JARID2: variants seen among roughly 807,000 people sequenced by gnomAD.
The protein encoded by JARID2 is protein Jumonji.
Under a neutral mutation model 125.6 loss-of-function variants are expected in JARID2, and 21 were observed. The ratio of observed to expected loss-of-function variants is 0.17; its 90% CI spans 0.12 to 0.24. JARID2 has a LOEUF of 0.24. Ranked by LOEUF, JARID2 falls within the 10% of genes least tolerant of loss-of-function variation. The probability of loss-of-function intolerance (pLI) is 1.00; values close to 1 mark genes in which losing one functional copy is unlikely to be tolerated. For synonymous variants in JARID2, 736 were observed against 661.6 expected (o/e 1.11, Z -1.73); for missense variants, 1,303 against 1,639.6 (o/e 0.79, Z 3.55).
chr6:15,374,614 A>G (rs1223438166), intron 2 of JARID2, among the ~76,000 whole-genome samples: 8 of 152,294 alleles, frequency 5.3e-5, no homozygotes, highest in Middle Eastern at 3.4e-3. Flanking sequence ...AATAGCCTAA[A>G]TCTTTCTGTC....
chr6:15,391,499 C>T (rs761866876), intron 2 of JARID2, among the ~76,000 whole-genome samples: 14 of 152,024 alleles, frequency 9.2e-5, no homozygotes, highest in Non-Finnish European at 1.6e-4. Flanking sequence ...GGAGAGCATC[C>T]GATGGGAACA....
chr6:15,437,807 A>G (rs1423947466), intron 3 of JARID2, among the ~76,000 whole-genome samples: 1 of 152,104 alleles, frequency 6.6e-6, no homozygotes, highest in African/African-American at 2.4e-5. Flanking sequence ...TGTCTCAAAA[A>G]AAAAAAGAAA....
At chr6:15,369,263 G>A (rs761216803) in intron 1 of JARID2, 1 of 424,780 alleles carries the variant, frequency 2.4e-6, no homozygotes, top group South Asian at 1.7e-5. Context: ...CAGACCACCT[G>A]TACCTTAACC....
intron 1 of JARID2, among the ~76,000 whole-genome samples, chr6:15,333,003 C>A (rs1184112115): frequency 7.6e-6 from 1 of 130,796 alleles, no homozygotes; most frequent in Admixed American, 9.6e-5. Context: ...CCCATCTCTG[C>A]TAACTGCAGG....
intron 2 of JARID2, 36 bp downstream of exon 2, chr6:15,374,288 C>T: frequency 6.2e-7 from 1 of 1,606,500 alleles, no homozygotes; most frequent in Non-Finnish European, 8.5e-7. Flanking sequence ...TTGGAATGTA[C>T]AATATCTCTG....
intron 2 of JARID2, among the ~76,000 whole-genome samples, chr6:15,409,281 C>T (rs1016090045): frequency 2.6e-5 from 4 of 152,148 alleles, no homozygotes; most frequent in African/African-American, 4.8e-5. Flanking sequence ...GGGGCCACTC[C>T]GTATTTTTGG....
At chr6:15,468,876 C>G (rs1312801707) in intron 5 of JARID2, among the ~76,000 whole-genome samples, 158 bp downstream of exon 5, 1 of 152,144 alleles carries the variant, frequency 6.6e-6, no homozygotes, top group Non-Finnish European at 1.5e-5. Flanking sequence ...ATTAGTGTAG[C>G]TTAGTGTAGT....
At chr6:15,410,169 G>C (rs1165643276) in intron 2 of JARID2, 55 bp from the exon 3 acceptor site, 2 of 1,546,282 alleles carry the variant, frequency 1.3e-6, no homozygotes, top group Non-Finnish European at 1.8e-6. Context: ...CTGTGGTAAA[G>C]TGCTGCCTCC....
At chr6:15,421,176 G>T (rs897129941) in intron 3 of JARID2, among the ~76,000 whole-genome samples, 1 of 152,090 alleles carries the variant, frequency 6.6e-6, no homozygotes, top group Non-Finnish European at 1.5e-5. Flanking sequence ...GAGCTGGAGG[G>T]ATCATTTGTT....
chr6:15,343,994 C>G (rs762541807), intron 1 of JARID2, among the ~76,000 whole-genome samples: 12 of 151,964 alleles, frequency 7.9e-5, no homozygotes, highest in Non-Finnish European at 1.2e-4. Context: ...GGACCCGGAC[C>G]TGAGAGTTAG....
intron 2 of JARID2, among the ~76,000 whole-genome samples, chr6:15,400,490 T>C (rs1765382685): frequency 6.6e-6 from 1 of 151,482 alleles, no homozygotes; most frequent in Non-Finnish European, 1.5e-5. Flanking sequence ...TGGGGTGTGC[T>C]TGGCAATGGG....
chr6:15,457,352 A>G (rs1438772543), intron 4 of JARID2, among the ~76,000 whole-genome samples: 3 of 152,202 alleles, frequency 2.0e-5, no homozygotes, highest in African/African-American at 7.2e-5. Flanking sequence ...TTACACCTGC[A>G]TCCTAATTCT....
Position 15,503,241 on chromosome 6 carries a change from C to A in JARID2, c.2449-1259C>A, listed in dbSNP as rs189632442. On this transcript the variant is annotated intron_variant, in intron 8 of 17. Coordinates refer to ENST00000341776, the MANE Select transcript of JARID2 (RefSeq NM_004973.4). ...CTTTGGTCTGCTGGTGTCATCCTCA[C>A]CTCCACTCATTGCACTCTGCCTTGG... is the stretch of plus-strand genomic sequence containing the variant. Among the ~76,000 whole-genome samples, 93 of 152,336 alleles carry A rather than the reference C, an allele frequency of 6.1e-4. 1 individual carries two copies. Among genetic ancestry groups the A allele is most frequent in the African/African-American group, 3.1e-4 (13 of 41,592 alleles).
intron 1 of JARID2, among the ~76,000 whole-genome samples, chr6:15,292,417 C>CT (rs1761262226): frequency 6.6e-6 from 1 of 152,052 alleles, no homozygotes; most frequent in Admixed American, 6.6e-5. Context: ...CTGCAGTTTT[C>CT]TTTAACTATT....
chr6:15,422,979 C>T (rs532848179), intron 3 of JARID2, among the ~76,000 whole-genome samples: 2 of 147,540 alleles, frequency 1.4e-5, no homozygotes, highest in Admixed American at 7.0e-5. Context: ...ACAGGTGTAG[C>T]CTAGTCTTTT....
intron 1 of JARID2, among the ~76,000 whole-genome samples, chr6:15,285,385 A>G (rs1268039315): frequency 6.6e-6 from 1 of 151,938 alleles, no homozygotes; most frequent in African/African-American, 2.4e-5. Flanking sequence ...TCGGCCTCCT[A>G]AAGTGCTGGG....
In JARID2 at chr6:15,468,285, T is replaced by TC. The variant is rs199754026; in HGVS notation, c.494-256dup. On this transcript the variant is annotated intron_variant, in intron 4 of 17. Transcript: ENST00000341776. ...CATCCTTGGAGGTGTTTGTTTTTTT[T>TC]CTCAAGAGATATTCAGATGAGATTT... 7.1e-3 allele frequency among the ~76,000 whole-genome samples: 1,086 copies of TC among 152,094 alleles called. 15 individuals carry two copies. The highest frequency in any genetic ancestry group is 0.025 in the African/African-American group (1,041 of 41,508).
rs75769088 is a variant in JARID2, at chr6:15,467,039, C to T, written c.494-1503C>T. Among the ~76,000 whole-genome samples the T allele has an allele frequency of 9.2e-5, 14 of 152,302 alleles. No individual in the cohort carries two copies. The East Asian group carries it at 2.7e-3, about 29-fold the overall frequency. ...GTATCCCTTTGCAGTTGCATATCCA[C>T]TCAGTAATGTGGTTCACATAATTTG... On this transcript the variant is annotated intron_variant, in intron 4 of 17. Transcript: ENST00000341776.
intron 3 of JARID2, among the ~76,000 whole-genome samples, chr6:15,446,183 T>C (rs952412346): frequency 6.6e-6 from 1 of 152,204 alleles, no homozygotes; most frequent in African/African-American, 2.4e-5. Context: ...TATAGCAGTA[T>C]AGTGTTCCTC....
Sources: gnomAD v4.1 joint callset for allele counts (sites outside exome capture counted in the v4.1 genomes callset) on GRCh38, gnomAD v4.1.1 for gene constraint, MANE v1.5 for transcripts, NCBI Gene and HGNC (gene_info 2026-07-23, HGNC 2026-07-21) for gene names.